ARHGEF7: variants seen among roughly 807,000 people sequenced by gnomAD.
The protein encoded by ARHGEF7 is PAK-interacting exchange factor beta.
A neutral mutation model predicts 109.8 loss-of-function variants in ARHGEF7; 33 were observed. The observed-to-expected ratio is 0.30, with a 90% CI of 0.23 to 0.40. ARHGEF7 has a LOEUF of 0.40. Among genes scored for constraint, ARHGEF7 ranks in the 10% least tolerant of loss-of-function variants. The pLI is 1.00. For synonymous variants in ARHGEF7, 458 were observed against 424.6 expected (o/e 1.08, Z -0.97); for missense variants, 938 against 1,098.5 (o/e 0.85, Z 2.07).
intron 8 of ARHGEF7, among the ~76,000 whole-genome samples, chr13:111,247,833 CATACCTCAA>C (rs1180254847): frequency 6.6e-6 from 1 of 152,176 alleles, no homozygotes; most frequent in African/African-American, 2.4e-5. Context: ...GTCTGGCTCA[CATACCTCAA>C]ATATTTACTC....
At chr13:111,221,999 C>T (rs937695736) in intron 5 of ARHGEF7, among the ~76,000 whole-genome samples, 4 of 152,084 alleles carry the variant, frequency 2.6e-5, no homozygotes, top group African/African-American at 4.8e-5. Flanking sequence ...AGGTCAGTCT[C>T]GCCTTTTCAC....
chr13:111,289,015 T>G (rs2093149133), intron 18 of ARHGEF7, among the ~76,000 whole-genome samples: 1 of 151,560 alleles, frequency 6.6e-6, no homozygotes, highest in African/African-American at 2.4e-5. Flanking sequence ...ATGAAAAACT[T>G]TTTTCTATTA....
intron 3 of ARHGEF7, among the ~76,000 whole-genome samples, chr13:111,209,090 C>G (rs563255759): frequency 3.3e-5 from 5 of 152,316 alleles, no homozygotes; most frequent in African/African-American, 1.2e-4. Context: ...GACCTGGAGA[C>G]TTAGGGTTGC....
chr13:111,301,478 G>T lies in ARHGEF7; in HGVS notation c.2412G>T (p.Lys804Asn), dbSNP rs1290090573. 1.2e-6 allele frequency: 2 copies of T among 1,612,870 alleles called. No homozygotes were observed. The highest frequency in any genetic ancestry group is 2.2e-5 in the East Asian group (1 of 44,868). The change falls in exon 21 of 22, where the codon AAG becomes AAT. Residue 804 changes from lysine to asparagine, a missense_variant and splice_region_variant. Lys to Asn is a moderately conservative substitution (Grantham distance 94). Around this residue, in one of 4 missense-constraint regions of ARHGEF7, gnomAD observed 166 missense variants for 167.3 expected, o/e 0.99. Coordinates refer to ENST00000646102, the MANE Select transcript of ARHGEF7 (RefSeq NM_001354046.2). The part of the protein sequence containing the change: ...KSNGQTVIEE[K>N]SLVDTVYALK... ...GTGTGTGTTCTGTTTCCTGTTTCAG[G>T]AGTCTTGTGGATACCGTATATGCAT...
intron 8 of ARHGEF7, among the ~76,000 whole-genome samples, chr13:111,245,798 C>T (rs1164414475): frequency 6.6e-6 from 1 of 152,228 alleles, no homozygotes; most frequent in African/African-American, 2.4e-5. Context: ...TGCCTTTTGT[C>T]TAACATTTCC....
At chr13:111,138,432 G>C (rs1024336903) in intron 1 of ARHGEF7, among the ~76,000 whole-genome samples, 1 of 151,902 alleles carries the variant, frequency 6.6e-6, no homozygotes, top group African/African-American at 2.4e-5. Flanking sequence ...AGTGAGCCGA[G>C]ATCACACCAC....
At chr13:111,216,002 G>C (rs1174556843) in intron 4 of ARHGEF7, among the ~76,000 whole-genome samples, 1 of 152,162 alleles carries the variant, frequency 6.6e-6, no homozygotes, top group Non-Finnish European at 1.5e-5. Flanking sequence ...ATATCTGCAG[G>C]TGTCTGTTTT....
At chr13:111,148,074 C>A (rs939271855) in intron 1 of ARHGEF7, among the ~76,000 whole-genome samples, 8 of 152,240 alleles carry the variant, frequency 5.3e-5, no homozygotes, top group Admixed American at 2.6e-4. Flanking sequence ...TGCCATGCTT[C>A]TGTAGTGCTG....
intron 8 of ARHGEF7, among the ~76,000 whole-genome samples, chr13:111,244,986 T>C (rs1412231227): frequency 2.6e-5 from 4 of 152,156 alleles, no homozygotes; most frequent in Non-Finnish European, 5.9e-5. Flanking sequence ...GAAATGGTAG[T>C]TGGTTGGTGA....
intron 5 of ARHGEF7, among the ~76,000 whole-genome samples, chr13:111,225,300 A>G (rs527447120): frequency 6.6e-6 from 1 of 152,244 alleles, no homozygotes; most frequent in South Asian, 2.1e-4. Flanking sequence ...TACATGCCAC[A>G]TGCTTGTAGC....
chr13:111,168,530 A>T (rs1235609030), intron 2 of ARHGEF7, among the ~76,000 whole-genome samples: 1 of 152,326 alleles, frequency 6.6e-6, no homozygotes, highest in South Asian at 2.1e-4. Context: ...GGGTTTCTGC[A>T]TAGAGGTGGA....
At chr13:111,199,151 G>C (rs1382866335) in intron 2 of ARHGEF7, among the ~76,000 whole-genome samples, 2 of 152,182 alleles carry the variant, frequency 1.3e-5, no homozygotes, top group Non-Finnish European at 2.9e-5. Context: ...GGCCAGGCCT[G>C]CCCCTGCCTG....
At chr13:111,174,882 C>T (rs79767895) in intron 2 of ARHGEF7, among the ~76,000 whole-genome samples, 5,753 of 152,236 alleles carry the variant, frequency 0.038, 158 homozygotes, top group East Asian at 0.088. Context: ...TGACAGTCCT[C>T]GGGTTGGTTT....
intron 2 of ARHGEF7, among the ~76,000 whole-genome samples, chr13:111,193,080 A>G (rs1377241279): frequency 6.6e-6 from 1 of 152,200 alleles, no homozygotes; most frequent in African/African-American, 2.4e-5. Flanking sequence ...CCCTGTAAAT[A>G]GGGATTTGGC....
intron 5 of ARHGEF7, among the ~76,000 whole-genome samples, chr13:111,218,149 T>G (rs1237885906): frequency 6.6e-6 from 1 of 152,182 alleles, no homozygotes; most frequent in South Asian, 2.1e-4. Context: ...CATTGCAGTT[T>G]TACTGTGAAA....
chr13:111,225,766 C>A (rs1400360739), intron 5 of ARHGEF7, among the ~76,000 whole-genome samples: 1 of 152,112 alleles, frequency 6.6e-6, no homozygotes, highest in African/African-American at 2.4e-5. Flanking sequence ...TGTGTGTATT[C>A]TGACTGCCCT....
rs1481672374 is a variant in ARHGEF7, at chr13:111,222,511, C to A, written c.670+4631C>A. 2.0e-5 allele frequency among the ~76,000 whole-genome samples: 3 copies of A among 152,230 alleles called. No individual in the cohort carries two copies. The South Asian group carries it at 6.2e-4, about 32-fold the overall frequency. ...TGGAGTGCAGTGATGCTCACTGCAA[C>A]CTTTGCTTCCTGGGTTCAAGCGATT... is the stretch of plus-strand genomic sequence containing the variant. On this transcript the variant is annotated intron_variant, in intron 5 of 21. Coordinates refer to ENST00000646102, the MANE Select transcript of ARHGEF7 (RefSeq NM_001354046.2).
chr13:111,289,923 G>T (rs750262617), intron 18 of ARHGEF7, among the ~76,000 whole-genome samples: 1 of 152,074 alleles, frequency 6.6e-6, no homozygotes, highest in Non-Finnish European at 1.5e-5. Flanking sequence ...ATATCCATTT[G>T]TAGTGACTGC....
intron 4 of ARHGEF7, among the ~76,000 whole-genome samples, chr13:111,214,516 G>A (rs981000670): frequency 6.6e-6 from 1 of 152,254 alleles, no homozygotes; most frequent in Non-Finnish European, 1.5e-5. Context: ...GCATGGTCGC[G>A]ATCACAGCAG....
Sources: gnomAD v4.1 joint callset for allele counts (sites outside exome capture counted in the v4.1 genomes callset) on GRCh38, gnomAD v4.1.1 for gene constraint, gnomAD v4.1.1 regional missense constraint, MANE v1.5 for transcripts, NCBI Gene and HGNC (gene_info 2026-07-23, HGNC 2026-07-21) for gene names.